OPTN: variants seen among roughly 807,000 people sequenced by gnomAD.
The protein encoded by OPTN is E3-14.7K-interacting protein.
Under a neutral mutation model 70.4 loss-of-function variants are expected in OPTN, and 54 were observed. That is an observed-to-expected ratio of 0.77 (90% CI 0.62 to 0.96). The LOEUF is 0.96. Ranked by LOEUF, OPTN falls within the 40% of genes least tolerant of loss-of-function variation. The probability of loss-of-function intolerance (pLI) is 0.00; values close to 1 mark genes in which losing one functional copy is unlikely to be tolerated. For synonymous variants in OPTN, 256 were observed against 248.5 expected (o/e 1.03, Z -0.28); for missense variants, 624 against 673.2 (o/e 0.93, Z 0.81).
At chr10:13,102,346 G>A (rs189827128) in intron 1 of OPTN, among the ~76,000 whole-genome samples, 20 of 152,354 alleles carry the variant, frequency 1.3e-4, no homozygotes, top group South Asian at 4.1e-4. Flanking sequence ...AAAGTCTGTC[G>A]TGTATGGGAA....
intron 6 of OPTN, chr10:13,116,644 T>A (rs1314207869): frequency 6.8e-6 from 3 of 440,328 alleles, no homozygotes; most frequent in Admixed American, 6.9e-5. Flanking sequence ...TTGTTCCTAA[T>A]CAAAGACATG....
rs1178080754 is a variant in OPTN at position 13,130,424 on chromosome 10, CAAAAAAAAAAAAA to C, written c.1402-1626_1402-1614del. On this transcript the variant is annotated intron_variant, in intron 12 of 14. Transcript: ENST00000378747. ...TGGGCGACAGAGCGAGACTCTATCT[CAAAAAAAAAAAAA>C]AAAAAAAAAAAAAAAATCAGACACT... is the stretch of plus-strand genomic sequence containing the variant. Among the ~76,000 whole-genome samples, 11 of 51,756 alleles carry C rather than the reference CAAAAAAAAAAAAA, an allele frequency of 2.1e-4. 1 individual carries two copies. Among genetic ancestry groups the C allele is most frequent in the South Asian group, 1.1e-3 (1 of 894 alleles). 34.0% of individuals were successfully genotyped at this position (51,756 alleles called of 152,430 possible).
In OPTN at chr10:13,124,010, G is replaced by A. The variant is rs1458501460; in HGVS notation, c.898G>A (p.Glu300Lys). Reference protein sequence around the residue: ...KGPETVGSEVEALNLQVTSLF... With the variant: ...KGPETVGSEVKALNLQVTSLF... Reference sequence around the variant, plus strand: ...CGTATGATAGGTTGGAAGCGAAGTGGAAGCACTGAACCTCCAGGTGACATC... The same window carrying A: ...CGTATGATAGGTTGGAAGCGAAGTGAAAGCACTGAACCTCCAGGTGACATC... Residue 300 changes from glutamate to lysine, a missense_variant, in exon 9 of 15, where the codon GAA (glutamate) becomes AAA (lysine). Coordinates refer to ENST00000378747, the MANE Select transcript of OPTN (RefSeq NM_001008212.2). 7.4e-6 allele frequency: 12 copies of A among 1,613,406 alleles called. No homozygotes were observed. In the East Asian group the frequency reaches 2.7e-4, roughly 36 times the overall value.
chr10:13,112,339 C>T, intron 4 of OPTN, 114 bp from the exon 5 acceptor site: 3 of 987,810 alleles, frequency 3.0e-6, no homozygotes, highest in Non-Finnish European at 4.7e-6. Context: ...AAAATCCTGG[C>T]CTCAAGGGAT....
intron 14 of OPTN, among the ~76,000 whole-genome samples, chr10:13,134,401 T>C (rs1242145622): frequency 6.6e-6 from 1 of 152,196 alleles, no homozygotes; most frequent in Non-Finnish European, 1.5e-5. Flanking sequence ...GGTGTTTGTG[T>C]GTTCTAGGTA....
upstream of OPTN, chr10:13,100,145 AT>A (rs1832706355): frequency 6.5e-6 from 1 of 152,884 alleles, no homozygotes; most frequent in Non-Finnish European, 1.5e-5. Flanking sequence ...CAGGCCGCGC[AT>A]CAGCCCTAGG....
At chr10:13,136,369 G>A (rs963627417) in intron 14 of OPTN, among the ~76,000 whole-genome samples, 2 of 151,822 alleles carry the variant, frequency 1.3e-5, no homozygotes, top group South Asian at 2.1e-4. Flanking sequence ...TTAGCTGGGC[G>A]TGGTGGCGCG....
At chr10:13,106,827 C>G (rs566474151) in intron 1 of OPTN, among the ~76,000 whole-genome samples, 24 of 152,322 alleles carry the variant, frequency 1.6e-4, no homozygotes, top group African/African-American at 5.8e-4. Context: ...ACAGGCAGTG[C>G]TCTTATCTCT....
intron 6 of OPTN, 109 bp downstream of exon 6, chr10:13,116,449 T>C: frequency 1.3e-6 from 1 of 771,316 alleles, no homozygotes; most frequent in Non-Finnish European, 2.3e-6. Context: ...AACTTCTTTA[T>C]GATTTATACC....
chr10:13,115,098 A>T (rs1401274987), intron 5 of OPTN, among the ~76,000 whole-genome samples: 2 of 92,894 alleles, frequency 2.2e-5, no homozygotes, highest in African/African-American at 9.4e-5. Flanking sequence ...TCTATTTTAT[A>T]TATTTTTATA....
At chr10:13,136,368 C>T (rs113518417) in intron 14 of OPTN, among the ~76,000 whole-genome samples, 7 of 151,282 alleles carry the variant, frequency 4.6e-5, no homozygotes, top group East Asian at 2.0e-4. Context: ...ATTAGCTGGG[C>T]GTGGTGGCGC....
chr10:13,122,276 A>G, intron 7 of OPTN, 109 bp from the exon 8 acceptor site: 1 of 770,714 alleles, frequency 1.3e-6, no homozygotes, highest in South Asian at 1.5e-5. Context: ...AAAACCCCTG[A>G]TCCTTTATCC....
intron 7 of OPTN, among the ~76,000 whole-genome samples, chr10:13,119,981 CTTTTTTTTTTT>C (rs35284693): frequency 4.2e-5 from 5 of 117,648 alleles, no homozygotes; most frequent in Non-Finnish European, 8.8e-5. Context: ...TATTTTCTTT[CTTTTTTTTTTT>C]TTTTTTTTGA....
intron 2 of OPTN, among the ~76,000 whole-genome samples, chr10:13,108,571 G>C (rs533380911): frequency 6.0e-5 from 9 of 149,230 alleles, no homozygotes; most frequent in African/African-American, 1.7e-4. Flanking sequence ...GTTTGAGACG[G>C]AGTCTCGCTC....
At chr10:13,104,571 A>T in intron 1 of OPTN, 1 of 620,240 alleles carries the variant, frequency 1.6e-6, no homozygotes. Flanking sequence ...GCCATTTTTT[A>T]TACTCATTCC....
At chr10:13,113,601 T>C (rs184429534) in intron 5 of OPTN, among the ~76,000 whole-genome samples, 18 of 152,278 alleles carry the variant, frequency 1.2e-4, no homozygotes, top group African/African-American at 3.4e-4. Context: ...TGCCTGGGCA[T>C]AGGGGCAGCC....
At chr10:13,112,428 T>C in intron 4 of OPTN, 25 bp from the exon 5 acceptor site, 2 of 1,611,726 alleles carry the variant, frequency 1.2e-6, no homozygotes, top group Non-Finnish European at 1.7e-6. Context: ...ATCTGTTCAT[T>C]CACTTTACTC....
chr10:13,114,371 G>C (rs1457728784), intron 5 of OPTN, among the ~76,000 whole-genome samples: 4 of 152,162 alleles, frequency 2.6e-5, no homozygotes, highest in Non-Finnish European at 5.9e-5. Flanking sequence ...AGTGATCGAA[G>C]ATTACTGAGA....
intron 14 of OPTN, 58 bp downstream of exon 14, chr10:13,133,639 T>C: frequency 1.3e-6 from 2 of 1,487,128 alleles, no homozygotes; most frequent in Non-Finnish European, 1.9e-6. Flanking sequence ...AAAAGATGCT[T>C]GAAGAAAAAT....
Sources: allele counts gnomAD v4.1 joint callset (sites outside exome capture counted in the v4.1 genomes callset), GRCh38; gene constraint gnomAD v4.1.1; transcripts MANE v1.5; gene names NCBI Gene and HGNC (gene_info 2026-07-23, HGNC 2026-07-21).